Variants in FAT3 observed in about 807,000 individuals in gnomAD.
FAT3 encodes protocadherin Fat 3.
Under a neutral mutation model 310.2 loss-of-function variants are expected in FAT3, and 95 were observed. The ratio of observed to expected loss-of-function variants is 0.31; its 90% CI spans 0.26 to 0.36. The LOEUF is 0.36. Among genes scored for constraint, FAT3 ranks in the 10% least tolerant of loss-of-function variants. FAT3 has a pLI of 1.00. For missense variants in FAT3, 5,408 were observed against 5,715.6 expected (o/e 0.95, Z 1.74); for synonymous variants, 2,314 against 2,192.9 (o/e 1.06, Z -1.54).
rs11020076 is a variant in FAT3 at position 92,837,647 on chromosome 11, C to G, written c.10225-16C>G. 6 of 1,612,152 alleles carry G rather than the reference C, an allele frequency of 3.7e-6. No individual in the cohort carries two copies. In the South Asian group the frequency reaches 5.5e-5, roughly 15 times the overall value. On this transcript the variant is annotated splice_polypyrimidine_tract_variant and intron_variant, in intron 16 of 27. Transcript: ENST00000525166. The stretch of plus-strand genomic sequence containing the variant: ...GCGCTACACCTCTTTACTGTCACCT[C>G]TTTGTACCTTGGCAGGTGTCTGGAT...
At chr11:92,356,679 G>A (rs1281015417) in intron 2 of FAT3, among the ~76,000 whole-genome samples, 1 of 152,048 alleles carries the variant, frequency 6.6e-6, no homozygotes, top group Non-Finnish European at 1.5e-5. Context: ...TCCTCCCAAA[G>A]ACTCTATCTC....
rs76828933 is a variant in FAT3 at position 92,296,765 on chromosome 11, G to A, written c.-17-55331G>A. On this transcript the variant is annotated intron_variant, in intron 1 of 27. Transcript: ENST00000525166. ...TCCATGACCTCCCTGTTTGCGGATGGTGCCTGAAGTGATAGCCATTGCGCA... is the reference window on the plus strand; with the variant it reads ...TCCATGACCTCCCTGTTTGCGGATGATGCCTGAAGTGATAGCCATTGCGCA... Among the ~76,000 whole-genome samples, 1,339 of 152,192 alleles carry A rather than the reference G, an allele frequency of 8.8e-3. 18 individuals carry two copies. The highest frequency in any genetic ancestry group is 0.03 in the African/African-American group (1,259 of 41,550).
chr11:92,585,116 G>T (rs1206302989), intron 3 of FAT3, among the ~76,000 whole-genome samples: 1 of 151,998 alleles, frequency 6.6e-6, no homozygotes, highest in African/African-American at 2.4e-5. Context: ...ATTAATATTT[G>T]CAAATTCTTG....
At chr11:92,734,677 C>T (rs1186709533) in intron 4 of FAT3, among the ~76,000 whole-genome samples, 3 of 151,932 alleles carry the variant, frequency 2.0e-5, no homozygotes, top group Non-Finnish European at 2.9e-5. Flanking sequence ...TAGACATTTG[C>T]CAGGTAGTCA....
chr11:92,512,839 TCGGCCGGGCGCGGTGG>T (rs1462700750), intron 2 of FAT3, among the ~76,000 whole-genome samples: 8,394 of 114,988 alleles, frequency 0.073, 658 homozygotes, highest in Middle Eastern at 0.1. Flanking sequence ...GTTAAGATTA[TCGGCCGGGCGCGGTGG>T]CTCACGCCTG....
chr11:92,459,658 T>A (rs951568525), intron 2 of FAT3, among the ~76,000 whole-genome samples: 2 of 152,170 alleles, frequency 1.3e-5, no homozygotes, highest in Non-Finnish European at 2.9e-5. Flanking sequence ...TCAAACCTTT[T>A]CAATTTTGGA....
chr11:92,762,859 C>T (rs1219659258), intron 5 of FAT3, among the ~76,000 whole-genome samples: 1 of 152,050 alleles, frequency 6.6e-6, no homozygotes, highest in East Asian at 1.9e-4. Context: ...GAGCAATGAG[C>T]ATGGTCCAGG....
At chr11:92,824,753 C>T (rs995421474) in intron 13 of FAT3, among the ~76,000 whole-genome samples, 2 of 151,494 alleles carry the variant, frequency 1.3e-5, no homozygotes, top group Admixed American at 1.3e-4. Context: ...CCATGGTTAC[C>T]ACTTTGATAG....
chr11:92,761,159 G>A (rs61901923), intron 4 of FAT3, among the ~76,000 whole-genome samples: 1 of 152,102 alleles, frequency 6.6e-6, no homozygotes, highest in Non-Finnish European at 1.5e-5. Context: ...GAAATTTATT[G>A]TTCACAATTC....
chr11:92,422,184 A>G (rs1336287021), intron 2 of FAT3, among the ~76,000 whole-genome samples: 3 of 152,080 alleles, frequency 2.0e-5, no homozygotes, highest in East Asian at 1.9e-4. Context: ...TCTCCTTCCA[A>G]TGACCAGTGA....
At chr11:92,280,082 C>T (rs1242768317) in intron 1 of FAT3, among the ~76,000 whole-genome samples, 2 of 152,006 alleles carry the variant, frequency 1.3e-5, no homozygotes, top group Admixed American at 1.3e-4. Context: ...TCATAGGTAT[C>T]CATAGATTAC....
intron 3 of FAT3, among the ~76,000 whole-genome samples, chr11:92,604,855 A>G (rs1175676353): frequency 6.6e-6 from 1 of 152,248 alleles, no homozygotes; most frequent in African/African-American, 2.4e-5. Context: ...GTCTGGGTTC[A>G]TCTGTGGGCT....
intron 4 of FAT3, among the ~76,000 whole-genome samples, chr11:92,706,214 C>T (rs1041246044): frequency 3.3e-5 from 5 of 152,050 alleles, no homozygotes; most frequent in Non-Finnish European, 5.9e-5. Flanking sequence ...TTTCTGAGAT[C>T]TTCCCACCAG....
At chr11:92,379,442 G>C (rs188431726) in intron 2 of FAT3, among the ~76,000 whole-genome samples, 18 of 152,302 alleles carry the variant, frequency 1.2e-4, no homozygotes, top group South Asian at 2.1e-4. Context: ...AGGCCCCCAT[G>C]ATGATGAGCA....
intron 3 of FAT3, among the ~76,000 whole-genome samples, chr11:92,568,743 A>T (rs1266426647): frequency 6.6e-6 from 1 of 152,084 alleles, no homozygotes; most frequent in Non-Finnish European, 1.5e-5. Context: ...CTTGAATGTC[A>T]TCTTCACCCT....
chr11:92,511,630 G>A (rs895538917), intron 2 of FAT3, among the ~76,000 whole-genome samples: 2 of 152,162 alleles, frequency 1.3e-5, no homozygotes, highest in African/African-American at 2.4e-5. Flanking sequence ...TAAAAGGCAG[G>A]AGGGGTCAGC....
intron 1 of FAT3, among the ~76,000 whole-genome samples, chr11:92,239,392 TGAGTGTGC>T (rs1462720629): frequency 5.9e-5 from 9 of 152,072 alleles, no homozygotes; most frequent in Non-Finnish European, 2.9e-5. Context: ...TTCTAAAACT[TGAGTGTGC>T]ACCTAGGAAG....
At chr11:92,516,288 C>T (rs191490094) in intron 2 of FAT3, among the ~76,000 whole-genome samples, 1 of 152,244 alleles carries the variant, frequency 6.6e-6, no homozygotes, top group East Asian at 1.9e-4. Flanking sequence ...AGTGTATCCA[C>T]CATGATCAAG....
intron 1 of FAT3, among the ~76,000 whole-genome samples, chr11:92,254,218 T>C (rs1442380721): frequency 6.6e-6 from 1 of 152,118 alleles, no homozygotes; most frequent in Non-Finnish European, 1.5e-5. Context: ...TCTATTGAAA[T>C]TGTACACCCT....
Sources: gnomAD v4.1 joint callset for allele counts (sites outside exome capture counted in the v4.1 genomes callset) on GRCh38, gnomAD v4.1.1 for gene constraint, MANE v1.5 for transcripts, NCBI Gene and HGNC (gene_info 2026-07-23, HGNC 2026-07-21) for gene names.